Variants in IFT74 observed in about 807,000 individuals in gnomAD.
The protein encoded by IFT74 is intraflagellar transport 74, also known as intraflagellar transport protein 74 homolog.
A neutral mutation model predicts 96.7 loss-of-function variants in IFT74; 92 were observed. The observed-to-expected ratio is 0.95, with a 90% confidence interval of 0.80 to 1.13. IFT74 has a LOEUF of 1.13. Ranked by LOEUF, IFT74 falls within the 50% of genes most tolerant of loss-of-function variation. The pLI, the probability that IFT74 is intolerant of heterozygous loss-of-function variation, is 0.00. For missense variants in IFT74, 811 were observed against 698.2 expected, an observed-to-expected ratio of 1.16 and a Z score of -1.82; for synonymous variants, 223 against 213.2, an observed-to-expected ratio of 1.05 and a Z score of -0.40.
exon 1 of IFT74, chr9:26,947,113 G>A (rs887921696): frequency 1.3e-5 from 18 of 1,410,008 alleles, no homozygotes; most frequent in Non-Finnish European, 1.7e-5. Flanking sequence ...GCGACTCGGA[G>A]AGCGCCGGGC....
At chr9:26,987,084 C>G (rs1827673405) in intron 6 of IFT74, among the ~76,000 whole-genome samples, 2 of 152,034 alleles carry the variant, frequency 1.3e-5, no homozygotes, top group Non-Finnish European at 2.9e-5. Flanking sequence ...GAGTCTCGCT[C>G]TGTCATCCAG....
chr9:26,999,257 G>C (rs1016801427), intron 8 of IFT74, among the ~76,000 whole-genome samples: 7 of 152,112 alleles, frequency 4.6e-5, no homozygotes, highest in Non-Finnish European at 7.4e-5. Flanking sequence ...GTTTATTACT[G>C]TTTTTGCAGT....
At chr9:26,956,229 C>A (rs1031989110), upstream of IFT74, 5 of 152,232 alleles carry the variant, frequency 3.3e-5, no homozygotes, top group Non-Finnish European at 5.9e-5. Flanking sequence ...GTTTGTCTTC[C>A]AGCCGCCCCG....
At chr9:27,017,109 G>T (rs1554673571) in intron 11 of IFT74, 59 bp downstream of exon 11, 3 of 1,446,472 alleles carry the variant, frequency 2.1e-6, no homozygotes, top group South Asian at 2.9e-5. Flanking sequence ...GTATTGATTT[G>T]TTTTTTTTAA....
chr9:26,990,966 A>C (rs1160509111), intron 8 of IFT74, among the ~76,000 whole-genome samples: 1 of 152,218 alleles, frequency 6.6e-6, no homozygotes, highest in Non-Finnish European at 1.5e-5. Context: ...GGCAACACAA[A>C]CACAATGAGC....
At chr9:27,004,220 A>G (rs1185990181) in intron 8 of IFT74, among the ~76,000 whole-genome samples, 2 of 152,338 alleles carry the variant, frequency 1.3e-5, no homozygotes, top group South Asian at 2.1e-4. Context: ...TGTATCTGCT[A>G]TTTAATGCTA....
At position 27,034,108 on chromosome 9, in the gene IFT74, C is replaced by T. The variant is rs181437929; in HGVS notation, c.1054+5004C>T. Among the ~76,000 whole-genome samples the T allele has an allele frequency of 3.9e-4, 60 of 152,206 alleles. 1 individual carries two copies. Among genetic ancestry groups the T allele is most frequent in the South Asian group, 2.9e-3 (14 of 4,812 alleles). On this transcript the variant is annotated intron_variant, in intron 13 of 19. Coordinates refer to ENST00000380062, the MANE Select transcript of IFT74 (RefSeq NM_025103.4). ...GTACGGTCACTGTCATATGTCTCTCCAGGAGGGATTATTGGGCATTATTAC... is the reference window on the plus strand; with the variant it reads ...GTACGGTCACTGTCATATGTCTCTCTAGGAGGGATTATTGGGCATTATTAC...
Position 26,949,253 on chromosome 9 carries a change from A to G in IFT74, c.-20+2107A>G, listed in dbSNP as rs563507555. ...TCACAGTCTCTCATTTAGTTCTCAC[A>G]ATAACCCTGCAAGGTAGATAGTATT... On this transcript the variant is annotated intron_variant, in intron 1 of 19. Coordinates refer to the IFT74 transcript ENST00000433700. Among the ~76,000 whole-genome samples the G allele has an allele frequency of 5.9e-5, 9 of 152,302 alleles. No individual in the cohort carries two copies. In the South Asian group the frequency reaches 1.9e-3, roughly 32 times the overall value.
At position 27,018,624 on chromosome 9, in the gene IFT74, A is replaced by G. The variant is rs369173355; in HGVS notation, c.934-23A>G. On this transcript the variant is annotated intron_variant, in intron 11 of 19. Transcript: ENST00000380062. ...ACAATGAGTTATTTTTTTAAATACT[A>G]CTTTCTTTTTATGCCTTTGTAGATT... The G allele has an allele frequency of 2.9e-6, 4 of 1,381,720 alleles. No individual in the cohort carries two copies. The Admixed American group carries it at 5.6e-5, about 19-fold the overall frequency. 85.6% of individuals were successfully genotyped at this position (1,381,720 alleles called of 1,614,324 possible).
At chr9:26,984,408 CTT>C in intron 5 of IFT74, 53 bp downstream of exon 5, 1 of 1,577,656 alleles carries the variant, frequency 6.3e-7, no homozygotes, top group East Asian at 2.3e-5. Context: ...ATAATACTAA[CTT>C]TGTAGCTATC....
At chr9:26,996,509 C>A in intron 8 of IFT74, 1 of 1,414,030 alleles carries the variant, frequency 7.1e-7, no homozygotes, top group Non-Finnish European at 9.3e-7. Context: ...TCTAGTAAAT[C>A]AGAAAGAATA....
chr9:26,988,029 C>A (rs556232260), intron 6 of IFT74, among the ~76,000 whole-genome samples: 1 of 151,824 alleles, frequency 6.6e-6, no homozygotes, highest in Non-Finnish European at 1.5e-5. Flanking sequence ...CTCGGCTCAC[C>A]GCAACCTCTG....
At chr9:26,947,157 G>T in intron 1 of IFT74, 1 of 1,275,332 alleles carries the variant, frequency 7.8e-7, no homozygotes, top group Non-Finnish European at 1.0e-6. Flanking sequence ...GTAAGGGGCG[G>T]CCGGAGACCG....
rs74943199 is a variant in IFT74, at chr9:27,043,644, A to G, written c.1055-1098A>G. Among the ~76,000 whole-genome samples, 821 of 152,314 alleles carry G rather than the reference A, an allele frequency of 5.4e-3. 9 individuals carry two copies. The highest frequency in any genetic ancestry group is 0.017 in the African/African-American group (715 of 41,560). On this transcript the variant is annotated intron_variant, in intron 13 of 19. Coordinates refer to ENST00000380062, the MANE Select transcript of IFT74 (RefSeq NM_025103.4). Reference sequence around the variant, plus strand: ...CATGTTTGTTAAACTCAACATATCCAAAACTGCTGTAAGCAACTCTTTCTC... The same window carrying G: ...CATGTTTGTTAAACTCAACATATCCGAAACTGCTGTAAGCAACTCTTTCTC...
intron 2 of IFT74, among the ~76,000 whole-genome samples, chr9:26,970,327 A>G (rs1826829070): frequency 6.6e-6 from 1 of 152,224 alleles, no homozygotes; most frequent in Non-Finnish European, 1.5e-5. Flanking sequence ...TGTATCTTCT[A>G]GACTTTTTAA....
At chr9:26,970,419 T>A (rs922592043) in intron 2 of IFT74, among the ~76,000 whole-genome samples, 16 of 152,194 alleles carry the variant, frequency 1.1e-4, no homozygotes, top group Non-Finnish European at 2.4e-4. Context: ...CTGTATACAT[T>A]GTTATTTTTC....
rs540897812 is a variant in IFT74, at chr9:26,975,332, T to A, written c.121-2796T>A. Among the ~76,000 whole-genome samples the A allele has an allele frequency of 2.0e-5, 3 of 152,308 alleles. No homozygotes were observed. The East Asian group carries it at 5.8e-4, about 29-fold the overall frequency. On this transcript the variant is annotated intron_variant, in intron 2 of 19. Coordinates refer to ENST00000380062, the MANE Select transcript of IFT74 (RefSeq NM_025103.4). The stretch of plus-strand genomic sequence containing the variant: ...CTTGCCTCCAAAAAAGAGCATAGTC[T>A]GTTTCCTTTTGGGAGACAGGGCTTT...
chr9:26,963,752 G>A (rs1826477383), intron 2 of IFT74, among the ~76,000 whole-genome samples: 1 of 152,326 alleles, frequency 6.6e-6, no homozygotes, highest in Admixed American at 6.5e-5. Flanking sequence ...CTGCATAAAT[G>A]TCTTCTTTTG....
At chr9:26,993,894 A>C (rs1423394085) in intron 8 of IFT74, 1 of 152,212 alleles carries the variant, frequency 6.6e-6, no homozygotes, top group Admixed American at 6.5e-5. Context: ...AGAGATATAC[A>C]TATTTGTAAA....
Sources: allele counts gnomAD v4.1 joint callset (sites outside exome capture counted in the v4.1 genomes callset), GRCh38; gene constraint gnomAD v4.1.1; transcripts MANE v1.5; gene names NCBI Gene and HGNC (gene_info 2026-07-23, HGNC 2026-07-21).